Variants in HECTD4 observed in about 807,000 individuals in gnomAD.
HECTD4 encodes HECT domain E3 ubiquitin protein ligase 4, also known as probable E3 ubiquitin-protein ligase HECTD4.
Under a neutral mutation model 471.5 loss-of-function variants are expected in HECTD4, and 114 were observed. The ratio of observed to expected loss-of-function variants is 0.24; its 90% CI spans 0.21 to 0.28. The LOEUF (loss-of-function observed/expected upper bound fraction) is 0.28, where lower values mean the gene tolerates loss of function less well. Ranked by LOEUF, HECTD4 falls within the 10% of genes least tolerant of loss-of-function variation. The pLI is 1.00. For missense variants in HECTD4, 3,866 were observed against 5,651.5 expected, an observed-to-expected ratio of 0.68 and a Z score of 10.13; for synonymous variants, 2,012 against 2,256.0, an observed-to-expected ratio of 0.89 and a Z score of 3.07.
At position 112,210,206 on chromosome 12, in the gene HECTD4, G is replaced by A. The variant is rs903362989; in HGVS notation, c.7676C>T (p.Ala2559Val). 21 of 1,613,856 alleles carry A rather than the reference G, an allele frequency of 1.3e-5. No homozygotes were observed. The highest frequency in any genetic ancestry group is 5.0e-5 in the Admixed American group (3 of 60,000). The change falls in exon 50 of 76, where the codon GCG becomes GTG. Residue 2559 changes from alanine to valine, a missense_variant. This residue lies in a region of HECTD4 where 617 missense variants were observed against 915.1 expected (regional missense o/e 0.67). Coordinates refer to ENST00000682272, the MANE Select transcript of HECTD4 (RefSeq NM_001388303.1). ...ANFGSRPFAY[A>V]EGQAHRNAAD... is the part of the protein sequence containing the mutation. ...AGCATTGCGGTGGGCCTGCCCTTCC[G>A]CGTAGGCAAACGGCCGGGAGCCAAA...
Position 112,162,557 on chromosome 12 carries a change from G to C in HECTD4, c.13121-34C>G, listed in dbSNP as rs1265717387. The stretch of plus-strand genomic sequence containing the variant: ...AACCGAGCCAGCATCAGAGGGTTGG[G>C]CCCACATCTGTGAGGCTCCCAGGGA... On this transcript the variant is annotated intron_variant, in intron 75 of 75. Transcript: ENST00000682272. The surrounding 1 kb of genome is among the most constrained non-coding windows in gnomAD (Gnocchi z 5.2). The C allele has an allele frequency of 6.2e-7, 1 of 1,613,352 alleles. No homozygotes were observed. Among genetic ancestry groups the C allele is most frequent in the South Asian group, 1.1e-5 (1 of 91,002 alleles).
Position 112,382,024 on chromosome 12 carries a change from G to C in HECTD4, c.105C>G (p.Ile35Met), listed in dbSNP as rs2135778901. 1 of 1,224,554 alleles carries C rather than the reference G, an allele frequency of 8.2e-7. No homozygotes were observed. Among genetic ancestry groups the C allele is most frequent in the South Asian group, 4.1e-5 (1 of 24,282 alleles). 75.9% of individuals were successfully genotyped at this position (1,224,554 alleles called of 1,614,324 possible). The change falls in exon 1 of 76, where the codon ATC becomes ATG. Residue 35 changes from isoleucine (I) to methionine (M), a missense_variant. Ile to Met is a conservative substitution (Grantham distance 10). Around this residue, in one of 16 missense-constraint regions of HECTD4, gnomAD observed 440 missense variants for 636.0 expected, o/e 0.69. Coordinates refer to ENST00000682272, the MANE Select transcript of HECTD4 (RefSeq NM_001388303.1). ...EETIFLHDGL[I>M]RVTDLAELPS... The stretch of plus-strand genomic sequence containing the variant: ...GCAGCTCGGCCAGGTCGGTGACCCG[G>C]ATCAGCCCGTCGTGCAGGAAGATGG...
At chr12:112,218,341 T>C (rs533978646) in intron 45 of HECTD4, among the ~76,000 whole-genome samples, 3 of 152,310 alleles carry the variant, frequency 2.0e-5, no homozygotes, top group African/African-American at 4.8e-5. Context: ...TTTTAGAACA[T>C]TTTTGTCCCT....
At chr12:112,282,276 G>C (rs1331602241) in intron 8 of HECTD4, among the ~76,000 whole-genome samples, 25 of 152,074 alleles carry the variant, frequency 1.6e-4, no homozygotes, top group Non-Finnish European at 1.5e-5. Flanking sequence ...CCAGCTACTC[G>C]GGAGGCTGAG....
chr12:112,222,446 C>G (rs1335419030), intron 44 of HECTD4, among the ~76,000 whole-genome samples: 1 of 152,162 alleles, frequency 6.6e-6, no homozygotes. Flanking sequence ...GTGGGCGGAT[C>G]ACTTGAGGTC....
At chr12:112,372,544 A>G (rs1222323824) in intron 1 of HECTD4, among the ~76,000 whole-genome samples, 1 of 152,010 alleles carries the variant, frequency 6.6e-6, no homozygotes, top group Non-Finnish European at 1.5e-5. Context: ...TCTGCCTCCC[A>G]AAGTGCTGGG....
At chr12:112,217,320 C>CACAT (rs1566076067) in intron 45 of HECTD4, 125 bp from the exon 46 acceptor site, 40 of 384,352 alleles carry the variant, frequency 1.0e-4, no homozygotes, top group African/African-American at 7.7e-4. Flanking sequence ...CACACACATA[C>CACAT]ACACACACAC....
chr12:112,335,143 T>TACACACACACACAC lies in HECTD4; in HGVS notation c.178-15415_178-15402dup, dbSNP rs144839031. Among the ~76,000 whole-genome samples, 1,164 of 146,854 alleles carry TACACACACACACAC rather than the reference T, an allele frequency of 7.9e-3. 10 individuals are homozygous for TACACACACACACAC. The highest frequency in any genetic ancestry group is 0.025 in the East Asian group (116 of 4,642). ...CAACAAGTGGATAAAGAAACTGTGA[T>TACACACACACACAC]ACACACACACACACACACACACAGA... is the stretch of plus-strand genomic sequence containing the variant. On this transcript the variant is annotated intron_variant, in intron 1 of 75. Transcript: ENST00000682272.
chr12:112,318,377 AT>A (rs910705982), intron 2 of HECTD4, among the ~76,000 whole-genome samples: 178 of 145,976 alleles, frequency 1.2e-3, no homozygotes, highest in Non-Finnish European at 1.1e-3. Flanking sequence ...ACAGCATACA[AT>A]TTTTTTTTTT....
At chr12:112,370,563 T>C (rs942539976) in intron 1 of HECTD4, among the ~76,000 whole-genome samples, 5 of 152,182 alleles carry the variant, frequency 3.3e-5, no homozygotes, top group African/African-American at 1.2e-4. Flanking sequence ...AAGATATGTC[T>C]AGTATGACAT....
In HECTD4 at chr12:112,162,585, C is replaced by G; in HGVS notation, c.13121-62G>C. ...CACATCTGTGAGGCTCCCAGGGAAG[C>G]TGGGCTGGCCTCTGCTTCCAGGTTT... On this transcript the variant is annotated intron_variant, in intron 75 of 75. Coordinates refer to ENST00000682272, the MANE Select transcript of HECTD4 (RefSeq NM_001388303.1). The surrounding 1 kb of genome is among the most constrained non-coding windows in gnomAD (Gnocchi z 5.2). 6.2e-7 allele frequency: 1 copy of G among 1,603,682 alleles called. No homozygotes were observed. The highest frequency in any genetic ancestry group is 2.2e-5 in the East Asian group (1 of 44,664).
chr12:112,226,817 T>C, intron 43 of HECTD4, 59 bp from the exon 44 acceptor site: 1 of 1,276,258 alleles, frequency 7.8e-7, no homozygotes, highest in Non-Finnish European at 1.1e-6. Flanking sequence ...TCTAAAAAAG[T>C]CAACTGTGAA....
chr12:112,256,525 AG>A lies in HECTD4; in HGVS notation c.3129-8del. On this transcript the variant is annotated splice_region_variant and splice_polypyrimidine_tract_variant and intron_variant, in intron 20 of 75. Transcript: ENST00000682272. Reference sequence around the variant, plus strand: ...TTCCTTCTCTTCTAACATTCTAAACAGAAAAAGAGAAAGTGATTTAGCTTAG... The same window carrying A: ...TTCCTTCTCTTCTAACATTCTAAACAAAAAAGAGAAAGTGATTTAGCTTAG... 1 of 1,525,612 alleles carries A rather than the reference AG, an allele frequency of 6.6e-7. No individual in the cohort carries two copies. Among genetic ancestry groups the A allele is most frequent in the Non-Finnish European group, 8.8e-7 (1 of 1,139,834 alleles). The allele number at this position is 1,525,612 out of a possible 1,614,324, so 94.5% of individuals were successfully genotyped here. A position where few individuals can be genotyped will look rare whatever the true frequency, so the allele number is the denominator to read the frequency against.
In HECTD4 at chr12:112,183,062, T is replaced by C; in HGVS notation, c.10984A>G (p.Lys3662Glu). 3.1e-6 allele frequency: 5 copies of C among 1,611,254 alleles called. No homozygotes were observed. Among genetic ancestry groups the C allele is most frequent in the Non-Finnish European group, 4.2e-6 (5 of 1,177,766 alleles). ...LEDYFNDKSIKGEKLVPGARE... is the reference protein window; with the variant it reads ...LEDYFNDKSIEGEKLVPGARE... Reference sequence around the variant, plus strand: ...TAAAAACAAATCCAGAACCCACCTTTAATTGACTTATCATTGAAATAATCT... The same window carrying C: ...TAAAAACAAATCCAGAACCCACCTTCAATTGACTTATCATTGAAATAATCT... Residue 3662 changes from lysine (K) to glutamate (E), a missense_variant, in exon 62 of 76, where the codon AAA becomes GAA. Around this residue, in one of 16 missense-constraint regions of HECTD4, gnomAD observed 715 missense variants for 1,087.6 expected, o/e 0.66. Coordinates refer to ENST00000682272, the MANE Select transcript of HECTD4 (RefSeq NM_001388303.1).
chr12:112,259,864 A>G (rs2034105375), intron 18 of HECTD4, among the ~76,000 whole-genome samples: 1 of 152,190 alleles, frequency 6.6e-6, no homozygotes. Flanking sequence ...TCACCTGCCC[A>G]GAGCTGTGAC....
chr12:112,195,781 T>C (rs1232006430), intron 55 of HECTD4, among the ~76,000 whole-genome samples: 1 of 152,246 alleles, frequency 6.6e-6, no homozygotes, highest in Non-Finnish European at 1.5e-5. Context: ...ACAGCTATTA[T>C]AAAAATACCA....
chr12:112,240,094 G>A, intron 32 of HECTD4, 67 bp from the exon 33 acceptor site: 1 of 1,527,854 alleles, frequency 6.5e-7, no homozygotes. Context: ...AGCAGGAGAG[G>A]CCTCTTGAGA....
rs1426961646 is a variant in HECTD4 at position 112,297,087 on chromosome 12, A to ATGTAGGTGCAGAGGG, written c.1335+8962_1335+8976dup. Among the ~76,000 whole-genome samples, 129 of 67,946 alleles carry ATGTAGGTGCAGAGGG rather than the reference A, an allele frequency of 1.9e-3. 1 individual carries two copies. The highest frequency in any genetic ancestry group is 0.016 in the African/African-American group (121 of 7,702). 44.6% of individuals were successfully genotyped at this position (67,946 alleles called of 152,430 possible). On this transcript the variant is annotated intron_variant, in intron 7 of 75. Coordinates refer to ENST00000682272, the MANE Select transcript of HECTD4 (RefSeq NM_001388303.1). ...AGGTGTAGATGGTGTAGGTGTATGG[A>ATGTAGGTGCAGAGGG]TGTAGGTGCAGAGGGTGTAGGTGCT...
At chr12:112,237,188 T>C in intron 34 of HECTD4, 90 bp from the exon 35 acceptor site, 1 of 1,173,556 alleles carries the variant, frequency 8.5e-7, no homozygotes, top group South Asian at 1.7e-5. Context: ...TGTCCATTTA[T>C]CTTGCTTAAT....
Sources: allele counts gnomAD v4.1 joint callset (sites outside exome capture counted in the v4.1 genomes callset), GRCh38; gene constraint gnomAD v4.1.1; regional missense constraint gnomAD v4.1.1; non-coding constraint Gnocchi (gnomAD v3.1); transcripts MANE v1.5; gene names NCBI Gene and HGNC (gene_info 2026-07-23, HGNC 2026-07-21).